The following PHF24 variants were observed in gnomAD, a reference collection of about 807,000 sequenced individuals.
The protein encoded by PHF24 is Galpha inhibitory interacting protein.
In PHF24, 25 loss-of-function variants were observed where a neutral mutation model predicts 42.6. The observed-to-expected ratio is 0.59, with a 90% confidence interval of 0.43 to 0.82. The LOEUF is 0.82. Among genes scored for constraint, PHF24 ranks in the 40% least tolerant of loss-of-function variants. PHF24 has a pLI of 0.00. For missense variants in PHF24, 470 were observed against 538.1 expected, an observed-to-expected ratio of 0.87 and a Z score of 1.25; for synonymous variants, 185 against 204.8, an observed-to-expected ratio of 0.90 and a Z score of 0.83.
At chr9:34,917,379 T>G in the PHF24 span, 1 of 776,608 alleles carries the variant, frequency 1.3e-6, no homozygotes, top group Non-Finnish European at 2.4e-6. Flanking sequence ...TATAGTACTT[T>G]ACAGTCTGAA....
the PHF24 span, among the ~76,000 whole-genome samples, chr9:34,809,045 AAAAAT>A: frequency 5.5e-3 from 793 of 143,326 alleles, 11 homozygotes; most frequent in African/African-American, 0.021. This position sits in a 1 kb window ranked among gnomAD's most constrained non-coding sequence, Gnocchi z 4.1. Context: ...AATAAAAAAA[AAAAAT>A]AATAAATAAA....
the PHF24 span, among the ~76,000 whole-genome samples, chr9:34,797,913 C>T: frequency 1.3e-5 from 2 of 152,274 alleles, no homozygotes; most frequent in East Asian, 3.9e-4. Flanking sequence ...AAAGGGACCA[C>T]GCTCTTCCTT....
the PHF24 span, among the ~76,000 whole-genome samples, chr9:34,830,271 A>G: frequency 1.3e-5 from 2 of 152,160 alleles, no homozygotes; most frequent in African/African-American, 2.4e-5. Flanking sequence ...ATTTTGTAAT[A>G]TTTTCTTTGT....
the PHF24 span, among the ~76,000 whole-genome samples, chr9:34,699,745 G>C: frequency 6.6e-6 from 1 of 152,166 alleles, no homozygotes; most frequent in Non-Finnish European, 1.5e-5. Flanking sequence ...ATTTATTGAG[G>C]GCCTCCTATG....
chr9:34,691,026 G>T, the PHF24 span: 1 of 1,389,118 alleles, frequency 7.2e-7, no homozygotes, highest in Non-Finnish European at 1.0e-6. Flanking sequence ...AGCAATCTGA[G>T]ATCTAGACAT....
the PHF24 span, among the ~76,000 whole-genome samples, chr9:34,933,022 G>A: frequency 7.9e-6 from 1 of 126,012 alleles, no homozygotes; most frequent in African/African-American, 3.0e-5. Flanking sequence ...ACAGTGTCTT[G>A]ATATGTTGCC....
the PHF24 span, among the ~76,000 whole-genome samples, chr9:34,782,858 A>G: frequency 6.6e-6 from 1 of 152,166 alleles, no homozygotes; most frequent in Non-Finnish European, 1.5e-5. Context: ...CCAAACCTAT[A>G]TCTTTAAGCT....
chr9:34,721,550 A>T, the PHF24 span, among the ~76,000 whole-genome samples: 9 of 152,074 alleles, frequency 5.9e-5, no homozygotes, highest in African/African-American at 2.2e-4. Flanking sequence ...AGCTGGGATT[A>T]CAGGTGCGCA....
chr9:34,980,090 CGGG>C (rs1433400850), exon 8 of PHF24: 1 of 152,200 alleles, frequency 6.6e-6, no homozygotes, highest in African/African-American at 2.4e-5. Flanking sequence ...ATCTCACAGA[CGGG>C]GCATTTTGAG....
the PHF24 span, among the ~76,000 whole-genome samples, chr9:34,743,175 A>G: frequency 6.6e-6 from 1 of 152,262 alleles, no homozygotes; most frequent in Admixed American, 6.5e-5. Context: ...CTCTAGATAT[A>G]AATGCTGTAT....
chr9:34,690,048 G>A, the PHF24 span: 2 of 1,609,588 alleles, frequency 1.2e-6, no homozygotes, highest in Non-Finnish European at 1.7e-6. Flanking sequence ...CGGAGAGAAT[G>A]GAGCCCCAGA....
At chr9:34,923,049 GTTT>G in the PHF24 span, 46 of 386,276 alleles carry the variant, frequency 1.2e-4, no homozygotes, top group Middle Eastern at 6.6e-4. Context: ...TTTTGTTTTT[GTTT>G]TTTTTTTTTT....
At chr9:34,678,177 T>C in the PHF24 span, 1 of 152,590 alleles carries the variant, frequency 6.6e-6, no homozygotes, top group East Asian at 1.9e-4. Flanking sequence ...TGCCCTTGAA[T>C]GTTGGACTCC....
At chr9:34,909,685 G>T in the PHF24 span, among the ~76,000 whole-genome samples, 1 of 150,920 alleles carries the variant, frequency 6.6e-6, no homozygotes, top group Non-Finnish European at 1.5e-5. Flanking sequence ...GCAGTGGCGC[G>T]ATCTCGGCTC....
chr9:34,757,427 G>A, the PHF24 span, among the ~76,000 whole-genome samples: 6 of 152,100 alleles, frequency 3.9e-5, no homozygotes. Context: ...TTTTGGCAGG[G>A]TATAGTTTGG....
At chr9:34,829,876 A>C in the PHF24 span, among the ~76,000 whole-genome samples, 1 of 152,218 alleles carries the variant, frequency 6.6e-6, no homozygotes, top group Admixed American at 6.5e-5. Context: ...TATAGTGATA[A>C]CGTTCCCTGA....
chr9:34,806,901 T>G, the PHF24 span, among the ~76,000 whole-genome samples: 1 of 152,264 alleles, frequency 6.6e-6, no homozygotes, highest in Non-Finnish European at 1.5e-5. Context: ...GATCTTGCAG[T>G]TTGCAGCATT....
upstream of PHF24, among the ~76,000 whole-genome samples, chr9:34,955,383 T>C (rs1237271727): frequency 2.1e-5 from 3 of 143,088 alleles, no homozygotes. Flanking sequence ...TAAGAGTGGT[T>C]GGTACAGGCT....
At chr9:34,971,946 A>G (rs1249883258) in intron 2 of PHF24, among the ~76,000 whole-genome samples, 2 of 152,140 alleles carry the variant, frequency 1.3e-5, no homozygotes, top group Non-Finnish European at 2.9e-5. Context: ...GTTTTCAACC[A>G]TGGATAGTAC....
Sources: allele counts gnomAD v4.1 joint callset (sites outside exome capture counted in the v4.1 genomes callset), GRCh38; gene constraint gnomAD v4.1.1; non-coding constraint Gnocchi (gnomAD v3.1); transcripts MANE v1.5; gene names NCBI Gene and HGNC (gene_info 2026-07-23, HGNC 2026-07-21).